Variants in IGSF10 observed in about 807,000 individuals in gnomAD.
IGSF10 encodes the protein calvaria mechanical force protein 608.
A neutral mutation model predicts 128.2 loss-of-function variants in IGSF10; 126 were observed. That is an observed-to-expected ratio of 0.98 (90% CI 0.85 to 1.14). IGSF10 has a LOEUF of 1.14. IGSF10 is among the 50% of genes most tolerant of loss of function. IGSF10 has a pLI of 0.00. For missense variants in IGSF10, 3,295 were observed against 3,149.8 expected (o/e 1.05, Z -1.10); for synonymous variants, 1,185 against 1,146.2 (o/e 1.03, Z -0.68).
At chr3:151,534,801 A>ATGTG in the IGSF10 span, among the ~76,000 whole-genome samples, 8,165 of 149,040 alleles carry the variant, frequency 0.055, 248 homozygotes, top group East Asian at 0.1. Context: ...TTTAAAGTGT[A>ATGTG]TGTGTGTGTG....
At chr3:151,603,338 G>A in the IGSF10 span, among the ~76,000 whole-genome samples, 1 of 152,174 alleles carries the variant, frequency 6.6e-6, no homozygotes, top group Non-Finnish European at 1.5e-5. Flanking sequence ...CCTATTCATG[G>A]GGTGGTTGTG....
the IGSF10 span, among the ~76,000 whole-genome samples, chr3:151,580,046 A>C: frequency 5.9e-5 from 9 of 152,170 alleles, no homozygotes; most frequent in African/African-American, 1.9e-4. Flanking sequence ...TCTTATTAGA[A>C]GCTATCCAAG....
At chr3:151,594,985 T>C in the IGSF10 span, among the ~76,000 whole-genome samples, 1 of 151,664 alleles carries the variant, frequency 6.6e-6, no homozygotes, top group Non-Finnish European at 1.5e-5. Context: ...TAAAAAGACA[T>C]AAAAATGACC....
At chr3:151,524,753 A>C in the IGSF10 span, among the ~76,000 whole-genome samples, 1 of 152,142 alleles carries the variant, frequency 6.6e-6, no homozygotes, top group African/African-American at 2.4e-5. Context: ...ACAAACCTTC[A>C]CATGTACCCT....
At chr3:151,503,399 G>A in the IGSF10 span, among the ~76,000 whole-genome samples, 1 of 151,694 alleles carries the variant, frequency 6.6e-6, no homozygotes, top group South Asian at 2.1e-4. Context: ...GATATTTGCA[G>A]GAACAAGAAA....
At chr3:151,567,281 C>A in the IGSF10 span, among the ~76,000 whole-genome samples, 1 of 152,078 alleles carries the variant, frequency 6.6e-6, no homozygotes. Context: ...GGCTTTATGG[C>A]CTTATAATAA....
At chr3:151,604,034 A>G in the IGSF10 span, among the ~76,000 whole-genome samples, 1 of 152,218 alleles carries the variant, frequency 6.6e-6, no homozygotes, top group Non-Finnish European at 1.5e-5. Flanking sequence ...CATTCAATAA[A>G]TATTTGTTAC....
the IGSF10 span, among the ~76,000 whole-genome samples, chr3:151,472,806 T>C: frequency 5.5e-3 from 831 of 152,240 alleles, 7 homozygotes; most frequent in African/African-American, 0.019. Context: ...ACCCTCCCCA[T>C]GGTTTAGAAC....
the IGSF10 span, among the ~76,000 whole-genome samples, chr3:151,523,985 C>T: frequency 9.2e-5 from 14 of 152,044 alleles, no homozygotes; most frequent in South Asian, 1.7e-3. Flanking sequence ...CCCATTAAAA[C>T]GTGGCAAAGG....
chr3:151,534,522 G>A, the IGSF10 span, among the ~76,000 whole-genome samples: 1 of 152,070 alleles, frequency 6.6e-6, no homozygotes, highest in Non-Finnish European at 1.5e-5. Flanking sequence ...GATGAAGCTG[G>A]AAACCATCAT....
chr3:151,596,680 C>A, the IGSF10 span, among the ~76,000 whole-genome samples: 5 of 152,250 alleles, frequency 3.3e-5, no homozygotes, highest in East Asian at 9.6e-4. Flanking sequence ...CCTAGACCAG[C>A]ATTGAACAAT....
chr3:151,548,209 G>T, the IGSF10 span, among the ~76,000 whole-genome samples: 2 of 152,286 alleles, frequency 1.3e-5, no homozygotes, highest in African/African-American at 4.8e-5. Flanking sequence ...AATATAAGAA[G>T]TCTGACTACC....
At chr3:151,538,066 C>A in the IGSF10 span, among the ~76,000 whole-genome samples, 1 of 152,148 alleles carries the variant, frequency 6.6e-6, no homozygotes, top group East Asian at 1.9e-4. Context: ...TGGCAGAGAT[C>A]AAAATTGTGG....
At chr3:151,517,786 T>G in the IGSF10 span, among the ~76,000 whole-genome samples, 1 of 151,940 alleles carries the variant, frequency 6.6e-6, no homozygotes, top group East Asian at 1.9e-4. Flanking sequence ...TCTTGCTAAA[T>G]GTAACATAAT....
At chr3:151,450,672 G>A (rs528039623) in intron 5 of IGSF10, among the ~76,000 whole-genome samples, 14 of 152,002 alleles carry the variant, frequency 9.2e-5, no homozygotes, top group African/African-American at 2.2e-4. Flanking sequence ...CGAGGTGGGC[G>A]GATCACCTGA....
the IGSF10 span, among the ~76,000 whole-genome samples, chr3:151,613,356 C>T: frequency 4.6e-5 from 7 of 152,066 alleles, no homozygotes; most frequent in Middle Eastern, 3.4e-3. Flanking sequence ...AAAAAGAGCC[C>T]GCATCGCCAA....
chr3:151,450,094 C>CAA (rs1436780662), intron 5 of IGSF10, among the ~76,000 whole-genome samples: 1 of 152,196 alleles, frequency 6.6e-6, no homozygotes, highest in Non-Finnish European at 1.5e-5. Flanking sequence ...TCAGAGGTTG[C>CAA]AAGTCTTACA....
At chr3:151,441,593 C>T (rs756937715) in intron 7 of IGSF10, among the ~76,000 whole-genome samples, 6 of 151,990 alleles carry the variant, frequency 3.9e-5, no homozygotes, top group Non-Finnish European at 4.4e-5. Flanking sequence ...AATTTTTTTG[C>T]ATGGATGTTT....
chr3:151,528,684 A>G, the IGSF10 span, among the ~76,000 whole-genome samples: 1 of 152,144 alleles, frequency 6.6e-6, no homozygotes, highest in South Asian at 2.1e-4. Flanking sequence ...TGCTTTTCCC[A>G]TGGTCTTTGC....
Sources: allele counts gnomAD v4.1 joint callset (sites outside exome capture counted in the v4.1 genomes callset), GRCh38; gene constraint gnomAD v4.1.1; transcripts MANE v1.5; gene names NCBI Gene and HGNC (gene_info 2026-07-23, HGNC 2026-07-21).